The following CUL2 variants were observed in gnomAD, a reference collection of about 807,000 sequenced individuals.
CUL2 encodes the protein cullin-2.
A neutral mutation model predicts 110.2 loss-of-function variants in CUL2; 22 were observed. The observed-to-expected ratio is 0.20, with a 90% CI of 0.14 to 0.28. The LOEUF is 0.28. Ranked by LOEUF, CUL2 falls within the 10% of genes least tolerant of loss-of-function variation. The pLI, the probability that CUL2 is intolerant of heterozygous loss-of-function variation, is 1.00. For missense variants in CUL2, 631 were observed against 905.5 expected (o/e 0.70, Z 3.89); for synonymous variants, 279 against 293.2 (o/e 0.95, Z 0.49).
intron 5 of CUL2, among the ~76,000 whole-genome samples, chr10:35,052,384 A>G (rs2086133398): frequency 6.6e-6 from 1 of 152,154 alleles, no homozygotes; most frequent in African/African-American, 2.4e-5. Flanking sequence ...AAACTTCAGG[A>G]TGTGCTTCGA....
At chr10:35,095,632 C>T (rs2087285845), upstream of CUL2, among the ~76,000 whole-genome samples, 1 of 152,130 alleles carries the variant, frequency 6.6e-6, no homozygotes, top group Non-Finnish European at 1.5e-5. Flanking sequence ...GATCTCTGCT[C>T]ACTGCAACCT....
chr10:35,051,425 A>C (rs546362819), intron 5 of CUL2, among the ~76,000 whole-genome samples: 1 of 151,792 alleles, frequency 6.6e-6, no homozygotes, highest in Non-Finnish European at 1.5e-5. Flanking sequence ...CATCCTGGCT[A>C]ACATAGTGAA....
intron 4 of CUL2, among the ~76,000 whole-genome samples, chr10:35,056,412 T>C (rs1445334733): frequency 3.3e-5 from 5 of 152,194 alleles, no homozygotes; most frequent in African/African-American, 9.7e-5. Flanking sequence ...TGTGGCTGAA[T>C]ACTATAAGAC....
At chr10:35,064,396 C>T (rs1029884017) in intron 2 of CUL2, among the ~76,000 whole-genome samples, 25 of 152,088 alleles carry the variant, frequency 1.6e-4, no homozygotes, top group Non-Finnish European at 4.4e-5. Flanking sequence ...TATGTCCCCC[C>T]GACACTTCAT....
At chr10:35,097,491 C>CAAA (rs71523359) in intron 2 of CUL2, among the ~76,000 whole-genome samples, 2 of 92,634 alleles carry the variant, frequency 2.2e-5, no homozygotes, top group Admixed American at 2.4e-4. Flanking sequence ...CCCCCTGTCT[C>CAAA]AAAAAAAAAA....
rs1263848595 is a variant in CUL2, at chr10:35,054,454, G to A, written c.403C>T (p.Pro135Ser). Residue 135 changes from proline to serine, a missense_variant, in exon 5 of 21, where the codon CCA becomes TCA. Around this residue, in one of 3 missense-constraint regions of CUL2, gnomAD observed 338 missense variants for 442.5 expected, o/e 0.76. Transcript: ENST00000374749. ...YGYGGVDMNE[P>S]LMEIGELALD... ...CCTACCTCTCCTATTTCCATAAGTG[G>A]TTCATTCATATCTACACCACCATAG... The A allele has an allele frequency of 6.3e-7, 1 of 1,577,788 alleles. No individual in the cohort carries two copies. Among genetic ancestry groups the A allele is most frequent in the South Asian group, 1.2e-5 (1 of 85,246 alleles).
intron 2 of CUL2, among the ~76,000 whole-genome samples, chr10:35,099,880 A>G (rs2087353223): frequency 6.6e-6 from 1 of 152,150 alleles, no homozygotes; most frequent in African/African-American, 2.4e-5. Context: ...AAAAAAATGG[A>G]CTTTTATTAA....
chr10:35,105,439 C>CA lies in CUL2; in HGVS notation c.-50-4380dup, dbSNP rs1474268639. ...AGACACCGTTTCAAAAAACAAAAAA[C>CA]AAAAAACTAAGTAATTGGGCCGGGT... On this transcript the variant is annotated intron_variant, in intron 1 of 5. Coordinates refer to the CUL2 transcript ENST00000685421. Among the ~76,000 whole-genome samples the CA allele has an allele frequency of 2.1e-5, 3 of 143,012 alleles. No individual in the cohort carries two copies. The Admixed American group carries it at 2.1e-4, about 10-fold the overall frequency. 93.8% of individuals were successfully genotyped at this position (143,012 alleles called of 152,430 possible). A position where few individuals can be genotyped will look rare whatever the true frequency, so the allele number is the denominator to read the frequency against.
At chr10:35,115,657 G>T (rs937610514) in intron 1 of CUL2, among the ~76,000 whole-genome samples, 2 of 152,152 alleles carry the variant, frequency 1.3e-5, no homozygotes, top group African/African-American at 2.4e-5. Context: ...ACTTTGGGAG[G>T]CCAAGGCATG....
intron 19 of CUL2, 42 bp downstream of exon 19, chr10:35,013,657 A>G (rs757351667): frequency 7.7e-7 from 1 of 1,298,006 alleles, no homozygotes; most frequent in Middle Eastern, 1.8e-4. Context: ...CAATGCTTAA[A>G]TGTTTCCCCC....
At position 35,009,827 on chromosome 10, in the gene CUL2, A is replaced by G. The variant is rs537152570; in HGVS notation, c.*484T>C. 2 of 152,726 alleles carry G rather than the reference A, an allele frequency of 1.3e-5. No individual in the cohort carries two copies. The highest frequency in any genetic ancestry group is 3.9e-4 in the East Asian group (2 of 5,192). The allele number at this position is 152,726 out of a possible 1,614,324, so 9.5% of individuals were successfully genotyped here. On this transcript the variant is annotated 3_prime_UTR_variant, in exon 21 of 21. Transcript: ENST00000374749. Reference sequence around the variant, plus strand: ...TTTGAGTCAATATATTTTGTGGTCAACCTGATACTCCATCCACATAAAAAA... The same window carrying G: ...TTTGAGTCAATATATTTTGTGGTCAGCCTGATACTCCATCCACATAAAAAA...
At chr10:35,056,672 C>T (rs1173550633) in intron 4 of CUL2, among the ~76,000 whole-genome samples, 1 of 152,142 alleles carries the variant, frequency 6.6e-6, no homozygotes, top group Non-Finnish European at 1.5e-5. Context: ...CTCTGTGGTA[C>T]AATATACAAA....
intron 16 of CUL2, among the ~76,000 whole-genome samples, chr10:35,025,657 T>C (rs1340186003): frequency 6.6e-6 from 1 of 152,258 alleles, no homozygotes; most frequent in Non-Finnish European, 1.5e-5. Context: ...GGTATATCTC[T>C]GGATTATTCT....
chr10:35,039,429 T>C (rs1325023731), intron 8 of CUL2, among the ~76,000 whole-genome samples: 2 of 77,172 alleles, frequency 2.6e-5, no homozygotes, highest in African/African-American at 3.4e-5. Flanking sequence ...TGATCTCTGT[T>C]ATGAATAACT....
intron 1 of CUL2, among the ~76,000 whole-genome samples, chr10:35,082,126 T>C (rs1237310788): frequency 1.3e-5 from 2 of 150,198 alleles, no homozygotes; most frequent in Non-Finnish European, 3.0e-5. Context: ...CAAGACATCA[T>C]CTTGACTGAA....
At chr10:35,059,131 T>C (rs1304779810) in intron 4 of CUL2, among the ~76,000 whole-genome samples, 3 of 152,206 alleles carry the variant, frequency 2.0e-5, no homozygotes, top group Admixed American at 2.0e-4. Flanking sequence ...GGTATGAACA[T>C]TGTTGAAATG....
chr10:35,051,309 C>T (rs1381063124), intron 5 of CUL2, among the ~76,000 whole-genome samples: 3 of 128,932 alleles, frequency 2.3e-5, no homozygotes, highest in African/African-American at 8.8e-5. Flanking sequence ...AGCGAGACTC[C>T]GTCTCAAAAA....
intron 1 of CUL2, among the ~76,000 whole-genome samples, chr10:35,117,582 A>G (rs917497959): frequency 6.6e-6 from 1 of 151,816 alleles, no homozygotes; most frequent in African/African-American, 2.4e-5. Context: ...CAAAAATAGC[A>G]CAAGTATTGT....
At chr10:35,103,166 A>G (rs1453386370) in intron 1 of CUL2, among the ~76,000 whole-genome samples, 3 of 151,984 alleles carry the variant, frequency 2.0e-5, no homozygotes, top group Admixed American at 6.6e-5. Flanking sequence ...TTTTTGAGAC[A>G]GAGTCTTGCT....
Sources: gnomAD v4.1 joint callset for allele counts (sites outside exome capture counted in the v4.1 genomes callset) on GRCh38, gnomAD v4.1.1 for gene constraint, gnomAD v4.1.1 regional missense constraint, MANE v1.5 for transcripts, NCBI Gene and HGNC (gene_info 2026-07-23, HGNC 2026-07-21) for gene names.